IL22RA1: variants seen among roughly 807,000 people sequenced by gnomAD.
IL22RA1 encodes interleukin 22 receptor subunit alpha 1, also known as interleukin-22 receptor subunit alpha-1.
IL22RA1 carries 25 observed loss-of-function variants against 32.8 expected under a neutral mutation model. That is an observed-to-expected ratio of 0.76 (90% CI 0.55 to 1.06). IL22RA1 has a LOEUF of 1.06. IL22RA1 is among the 50% of genes least tolerant of loss of function. The pLI is 0.00. For missense variants in IL22RA1, 709 were observed against 727.4 expected (o/e 0.97, Z 0.29); for synonymous variants, 305 against 305.0 (o/e 1.00, Z 0.00).
chr1:24,131,096 A>G (rs1168054026), intron 4 of IL22RA1, among the ~76,000 whole-genome samples: 1 of 152,266 alleles, frequency 6.6e-6, no homozygotes, highest in Non-Finnish European at 1.5e-5. Context: ...ATCTCAGTAG[A>G]ATATGGAAAC....
chr1:24,124,012 A>C (rs1644145171), intron 5 of IL22RA1, among the ~76,000 whole-genome samples: 1 of 152,232 alleles, frequency 6.6e-6, no homozygotes, highest in Non-Finnish European at 1.5e-5. Flanking sequence ...GCTCTGGGCC[A>C]TATGTACAGA....
intron 4 of IL22RA1, among the ~76,000 whole-genome samples, chr1:24,129,738 G>A (rs1164948705): frequency 6.6e-6 from 1 of 152,190 alleles, no homozygotes; most frequent in African/African-American, 2.4e-5. Flanking sequence ...GTAATTTACT[G>A]TTTTCTTTTG....
chr1:24,131,581 A>G (rs1302950739), intron 4 of IL22RA1, among the ~76,000 whole-genome samples: 3 of 152,236 alleles, frequency 2.0e-5, no homozygotes, highest in African/African-American at 7.2e-5. Flanking sequence ...TCATAAATAT[A>G]TATGTATTTA....
At chr1:24,132,576 C>T (rs909719119) in intron 4 of IL22RA1, among the ~76,000 whole-genome samples, 2 of 151,926 alleles carry the variant, frequency 1.3e-5, no homozygotes, top group African/African-American at 2.4e-5. Flanking sequence ...TCGTGATCCG[C>T]CCGCCTCGGC....
In IL22RA1 at chr1:24,138,734, G is replaced by T; in HGVS notation, c.44-20C>A. 1 of 1,611,824 alleles carries T rather than the reference G, an allele frequency of 6.2e-7. No individual in the cohort carries two copies. Among genetic ancestry groups the T allele is most frequent in the Non-Finnish European group, 8.5e-7 (1 of 1,179,010 alleles). On this transcript the variant is annotated intron_variant, in intron 1 of 6. Coordinates refer to ENST00000270800, the MANE Select transcript of IL22RA1 (RefSeq NM_021258.4). ...CGTGAGCTGCAGGAGGGTGGGAGGA[G>T]GGTGAGCAGGGGCTTTCCCAGGGTC...
intron 1 of IL22RA1, among the ~76,000 whole-genome samples, chr1:24,141,680 C>T (rs1371843991): frequency 6.6e-6 from 1 of 152,206 alleles, no homozygotes; most frequent in Non-Finnish European, 1.5e-5. Context: ...CTCCCACCCT[C>T]CTCGCTCCTT....
rs914073987 is a variant in IL22RA1 at position 24,120,403 on chromosome 1, C to A, written c.*402G>T. ...AAGAGGCAGGGGCCTCATGCTCTGT[C>A]GAGCTAGATTGTGAAACTGGCCAGG... On this transcript the variant is annotated 3_prime_UTR_variant, in exon 7 of 7. Transcript: ENST00000270800. 2 of 166,284 alleles carry A rather than the reference C, an allele frequency of 1.2e-5. No homozygotes were observed. The highest frequency in any genetic ancestry group is 1.2e-4 in the Admixed American group (2 of 16,222). 10.3% of individuals were successfully genotyped at this position (166,284 alleles called of 1,614,324 possible).
At chr1:24,128,073 G>A (rs1557627707) in intron 5 of IL22RA1, 68 bp downstream of exon 5, 1 of 1,442,308 alleles carries the variant, frequency 6.9e-7, no homozygotes, top group Non-Finnish European at 9.2e-7. Context: ...TTGGTTACAG[G>A]GAGGAAAGAG....
chr1:24,121,044 G>C lies in IL22RA1; in HGVS notation c.1486C>G (p.Leu496Val), dbSNP rs143671796. ...EGTPQYLKGQ[L>V]PLLSSVQIEG... ...ATCTGGACTGAGGAGAGGAGGGGGA[G>C]CTGGCCCTTTAGGTACTGTGGTGTC... Residue 496 changes from leucine to valine, a missense_variant, in exon 7 of 7, where the codon CTC (leucine) becomes GTC (valine). By Grantham distance (32) the Leu-to-Val change is conservative (BLOSUM62 1). Transcript: ENST00000270800. 10 of 1,614,210 alleles carry C rather than the reference G, an allele frequency of 6.2e-6. No homozygotes were observed. The highest frequency in any genetic ancestry group is 7.6e-6 in the Non-Finnish European group (9 of 1,180,028).
At chr1:24,134,155 T>C (rs1644225563) in intron 4 of IL22RA1, 56 bp downstream of exon 4, 3 of 1,471,276 alleles carry the variant, frequency 2.0e-6, no homozygotes, top group East Asian at 2.5e-5. Context: ...TCAGATCTAA[T>C]TGGGAGGGAA....
rs763081451 is a variant in IL22RA1 at position 24,134,259 on chromosome 1, A to C, written c.483T>G (p.His161Gln). The C allele has an allele frequency of 6.2e-7, 1 of 1,612,128 alleles. No homozygotes were observed. Among genetic ancestry groups the C allele is most frequent in the Non-Finnish European group, 8.5e-7 (1 of 1,179,028 alleles). ...GGAGCTCTAAGTGGTAGAACAGGTCATGGAAGATGTCTTCCAGGGTTAGCC... is the reference window on the plus strand; with the variant it reads ...GGAGCTCTAAGTGGTAGAACAGGTCCTGGAAGATGTCTTCCAGGGTTAGCC... Reference protein sequence around the residue: ...GHRLTLEDIFHDLFYHLELQV... With the variant: ...GHRLTLEDIFQDLFYHLELQV... The change falls in exon 4 of 7, where the codon CAT (histidine) becomes CAG (glutamine). Residue 161 changes from histidine (H) to glutamine (Q), a missense_variant. By Grantham distance (24) the His-to-Gln change is conservative. Transcript: ENST00000270800.
rs749097139 is a variant in IL22RA1, at chr1:24,123,388, G to A, written c.706C>T (p.Leu236=). Residue 236 remains leucine, a synonymous_variant, in exon 6 of 7, where the codon CTG becomes TTG. Coordinates refer to ENST00000270800, the MANE Select transcript of IL22RA1 (RefSeq NM_021258.4). ...GCGACGAGGAAGCCCATGGAGAACA[G>A]GAAGGCTCCGGAGAAGGAGTAGGTC... ...TWTYSFSGAF[L]FSMGFLVAVL... is the part of the protein sequence containing the mutation. 1 of 1,613,892 alleles carries A rather than the reference G, an allele frequency of 6.2e-7. No homozygotes were observed. The highest frequency in any genetic ancestry group is 1.3e-5 in the African/African-American group (1 of 74,932).
At chr1:24,131,663 T>C (rs1018337360) in intron 4 of IL22RA1, among the ~76,000 whole-genome samples, 2 of 152,218 alleles carry the variant, frequency 1.3e-5, no homozygotes, top group Non-Finnish European at 2.9e-5. Flanking sequence ...TCCACAATTA[T>C]AGTTGGAGAG....
At chr1:24,132,729 G>A (rs1463120311) in intron 4 of IL22RA1, among the ~76,000 whole-genome samples, 4 of 151,798 alleles carry the variant, frequency 2.6e-5, no homozygotes, top group South Asian at 2.1e-4. Context: ...GGCCGGGTGC[G>A]GTGGCTCATG....
intron 3 of IL22RA1, among the ~76,000 whole-genome samples, chr1:24,135,424 T>TA (rs901383938): frequency 1.7e-4 from 26 of 152,200 alleles, no homozygotes; most frequent in African/African-American, 6.3e-4. Context: ...CAAGCCAGGT[T>TA]AAAAAAACAA....
intron 5 of IL22RA1, among the ~76,000 whole-genome samples, chr1:24,125,600 T>G (rs1176059901): frequency 6.6e-6 from 1 of 152,014 alleles, no homozygotes; most frequent in Non-Finnish European, 1.5e-5. Context: ...GTAAACAAAG[T>G]TGCAAAGTGG....
chr1:24,126,034 G>A (rs1050834855), intron 5 of IL22RA1, among the ~76,000 whole-genome samples: 1 of 152,224 alleles, frequency 6.6e-6, no homozygotes, highest in Non-Finnish European at 1.5e-5. Context: ...TAAGGGTGGA[G>A]TGGTCTTCAC....
Position 24,120,755 on chromosome 1 carries a change from G to GT in IL22RA1, c.*49dup. Reference sequence around the variant, plus strand: ...AGGCATGGGATTGACAGCCAAGGATGTGACACTGGGTAGGGACAGGGAGGA... The same window carrying GT: ...AGGCATGGGATTGACAGCCAAGGATGTTGACACTGGGTAGGGACAGGGAGGA... On this transcript the variant is annotated 3_prime_UTR_variant, in exon 7 of 7. Coordinates refer to ENST00000270800, the MANE Select transcript of IL22RA1 (RefSeq NM_021258.4). 1.3e-6 allele frequency: 2 copies of GT among 1,496,188 alleles called. No homozygotes were observed. Among genetic ancestry groups the GT allele is most frequent in the Non-Finnish European group, 1.8e-6 (2 of 1,107,012 alleles). The allele number at this position is 1,496,188 out of a possible 1,614,324, so 92.7% of individuals were successfully genotyped here.
chr1:24,137,561 G>A (rs1337143639), intron 2 of IL22RA1, among the ~76,000 whole-genome samples: 1 of 144,904 alleles, frequency 6.9e-6, no homozygotes, highest in Non-Finnish European at 1.5e-5. Context: ...CTGTCACTCA[G>A]GCTGGAGTGC....
Sources: gnomAD v4.1 joint callset for allele counts (sites outside exome capture counted in the v4.1 genomes callset) on GRCh38, gnomAD v4.1.1 for gene constraint, MANE v1.5 for transcripts, NCBI Gene and HGNC (gene_info 2026-07-23, HGNC 2026-07-21) for gene names.